KCNH1: variants seen among roughly 807,000 people sequenced by gnomAD.
KCNH1 encodes the protein voltage-gated delayed rectifier potassium channel KCNH1.
A neutral mutation model predicts 69.2 loss-of-function variants in KCNH1; 27 were observed. The observed-to-expected ratio is 0.39, with a 90% CI of 0.29 to 0.54. KCNH1 has a LOEUF of 0.54. KCNH1 is among the 20% of genes least tolerant of loss of function. The probability of loss-of-function intolerance (pLI) is 0.68; values close to 1 mark genes in which losing one functional copy is unlikely to be tolerated. For missense variants in KCNH1, 798 were observed against 1,261.6 expected, an observed-to-expected ratio of 0.63 and a Z score of 5.57; for synonymous variants, 456 against 487.7, an observed-to-expected ratio of 0.93 and a Z score of 0.86.
intron 6 of KCNH1, among the ~76,000 whole-genome samples, chr1:210,946,989 G>A (rs889265967): frequency 2.6e-5 from 4 of 152,040 alleles, no homozygotes; most frequent in African/African-American, 7.2e-5. Context: ...CAATATCACC[G>A]CCAACTTACC....
chr1:210,904,219 C>T lies in KCNH1; in HGVS notation c.1462+15421G>A, dbSNP rs61848973. Among the ~76,000 whole-genome samples, 575 of 152,244 alleles carry T rather than the reference C, an allele frequency of 3.8e-3. 2 individuals are homozygous for T. The highest frequency in any genetic ancestry group is 6.7e-3 in the Non-Finnish European group (458 of 68,010). ...GGATATTTAAATGATGACATAACTG[C>T]TTTGCAAAAAGCCTGATTAAAAGAA... On this transcript the variant is annotated intron_variant, in intron 7 of 10. Transcript: ENST00000271751.
intron 10 of KCNH1, among the ~76,000 whole-genome samples, chr1:210,744,644 A>G (rs1683106787): frequency 6.6e-6 from 1 of 152,198 alleles, no homozygotes; most frequent in East Asian, 1.9e-4. Context: ...ACTTTGTCTC[A>G]AAAACAAAAA....
At chr1:210,977,960 A>G (rs938541798) in intron 6 of KCNH1, among the ~76,000 whole-genome samples, 1 of 151,342 alleles carries the variant, frequency 6.6e-6, no homozygotes, top group African/African-American at 2.4e-5. Flanking sequence ...TATTTCAGTT[A>G]TTGTACTTTT....
intron 7 of KCNH1, among the ~76,000 whole-genome samples, chr1:210,846,015 C>G (rs943125033): frequency 6.6e-6 from 1 of 152,158 alleles, no homozygotes; most frequent in African/African-American, 2.4e-5. Context: ...GGGAATCCAA[C>G]TTACAAGGGA....
At chr1:210,842,949 G>A (rs1685441165) in intron 7 of KCNH1, among the ~76,000 whole-genome samples, 1 of 152,168 alleles carries the variant, frequency 6.6e-6, no homozygotes, top group Non-Finnish European at 1.5e-5. Context: ...TCCCATCTGG[G>A]AGATGGATGC....
intron 10 of KCNH1, among the ~76,000 whole-genome samples, chr1:210,690,797 G>T (rs925896536): frequency 5.3e-5 from 8 of 152,250 alleles, no homozygotes; most frequent in African/African-American, 1.9e-4. Context: ...TTCGGCTAAG[G>T]CTGTGTGGCA....
chr1:210,990,543 CT>C (rs1029233972), intron 6 of KCNH1, among the ~76,000 whole-genome samples: 2 of 152,118 alleles, frequency 1.3e-5, no homozygotes, highest in African/African-American at 4.8e-5. Flanking sequence ...CTCTCTTGAT[CT>C]CAGGCTCCCC....
At chr1:211,106,581 C>T (rs974126730) in intron 2 of KCNH1, among the ~76,000 whole-genome samples, 3 of 149,740 alleles carry the variant, frequency 2.0e-5, no homozygotes, top group Admixed American at 1.3e-4. Flanking sequence ...GTCAGGAGTT[C>T]GAGACCAGCC....
At chr1:210,698,134 G>A (rs189231068) in intron 10 of KCNH1, among the ~76,000 whole-genome samples, 1 of 152,166 alleles carries the variant, frequency 6.6e-6, no homozygotes, top group Non-Finnish European at 1.5e-5. Flanking sequence ...TGACCTAAAG[G>A]TTGAAAGCAG....
At chr1:211,083,536 T>C (rs1386405798) in intron 4 of KCNH1, among the ~76,000 whole-genome samples, 1 of 152,186 alleles carries the variant, frequency 6.6e-6, no homozygotes, top group Non-Finnish European at 1.5e-5. Flanking sequence ...TGAGTGATCT[T>C]GACACCTTTT....
At chr1:210,998,997 G>A (rs1571565415) in intron 6 of KCNH1, among the ~76,000 whole-genome samples, 2 of 152,156 alleles carry the variant, frequency 1.3e-5, no homozygotes, top group African/African-American at 4.8e-5. Flanking sequence ...CAGAATCTCT[G>A]GGACACATTC....
At chr1:210,833,988 G>C (rs985938880) in intron 7 of KCNH1, among the ~76,000 whole-genome samples, 11 of 152,270 alleles carry the variant, frequency 7.2e-5, no homozygotes, top group East Asian at 3.9e-4. Flanking sequence ...CAATGAGATA[G>C]CATCTCACAC....
rs6660008 is a variant in KCNH1 at position 210,983,099 on chromosome 1, C to T, written c.1032+35684G>A. Among the ~76,000 whole-genome samples, 779 of 147,074 alleles carry T rather than the reference C, an allele frequency of 5.3e-3. 10 individuals carry two copies. Among genetic ancestry groups the T allele is most frequent in the African/African-American group, 0.018 (740 of 40,220 alleles). ...AGAAGTGTCTGTTCATATCCTTCACCCACTTTTTGATGGGGTTGTTTGTTT... is the reference window on the plus strand; with the variant it reads ...AGAAGTGTCTGTTCATATCCTTCACTCACTTTTTGATGGGGTTGTTTGTTT... On this transcript the variant is annotated intron_variant, in intron 6 of 10. Coordinates refer to ENST00000271751, the MANE Select transcript of KCNH1 (RefSeq NM_172362.3).
At chr1:210,822,260 C>A (rs1230108492) in intron 7 of KCNH1, among the ~76,000 whole-genome samples, 1 of 151,944 alleles carries the variant, frequency 6.6e-6, no homozygotes, top group Non-Finnish European at 1.5e-5. Flanking sequence ...AGAAGGCAGA[C>A]TCTCAAGCAA....
intron 8 of KCNH1, among the ~76,000 whole-genome samples, chr1:210,803,220 A>G (rs1361680668): frequency 6.6e-6 from 1 of 152,194 alleles, no homozygotes; most frequent in East Asian, 1.9e-4. Flanking sequence ...CTCCTGCCTC[A>G]GCCTCCTGAG....
At chr1:210,864,774 G>T (rs1476542078) in intron 7 of KCNH1, among the ~76,000 whole-genome samples, 1 of 152,190 alleles carries the variant, frequency 6.6e-6, no homozygotes, top group Non-Finnish European at 1.5e-5. Context: ...AGGATGGCTT[G>T]TCTCTCTTTC....
chr1:211,125,105 G>C (rs1188315652), intron 1 of KCNH1, among the ~76,000 whole-genome samples: 5 of 152,112 alleles, frequency 3.3e-5, no homozygotes, highest in Admixed American at 2.6e-4. Context: ...CTTTAATCAG[G>C]GGAAAACAGC....
chr1:210,920,337 T>C (rs1687433812), intron 6 of KCNH1, among the ~76,000 whole-genome samples: 2 of 152,148 alleles, frequency 1.3e-5, no homozygotes, highest in Non-Finnish European at 2.9e-5. Flanking sequence ...AGTAAACAAA[T>C]ACCTGTGGGC....
At chr1:210,974,527 T>A (rs187651206) in intron 6 of KCNH1, among the ~76,000 whole-genome samples, 3 of 151,450 alleles carry the variant, frequency 2.0e-5, no homozygotes, top group African/African-American at 7.3e-5. Context: ...GTACTACTAG[T>A]CTCAAAGATA....
Sources: gnomAD v4.1 joint callset for allele counts (sites outside exome capture counted in the v4.1 genomes callset) on GRCh38, gnomAD v4.1.1 for gene constraint, MANE v1.5 for transcripts, NCBI Gene and HGNC (gene_info 2026-07-23, HGNC 2026-07-21) for gene names.